YAF2: variants seen among roughly 807,000 people sequenced by gnomAD.
The protein encoded by YAF2 is YY1 associated factor 2, also known as YY1-associated factor 2.
YAF2 carries 7 observed loss-of-function variants against 20.1 expected under a neutral mutation model. The ratio of observed to expected loss-of-function variants is 0.35; its 90% CI spans 0.20 to 0.65. The LOEUF (loss-of-function observed/expected upper bound fraction) is 0.65. Among genes scored for constraint, YAF2 ranks in the 30% least tolerant of loss-of-function variants. The pLI, the probability that YAF2 is intolerant of heterozygous loss-of-function variation, is 0.69. For synonymous variants in YAF2, 74 were observed against 76.0 expected (o/e 0.97, Z 0.14); for missense variants, 151 against 219.2 (o/e 0.69, Z 1.96).
intron 3 of YAF2, chr12:42,161,131 G>C (rs2065790353): frequency 2.9e-6 from 1 of 339,810 alleles, no homozygotes; most frequent in South Asian, 3.6e-5. Flanking sequence ...AGATGTTTTA[G>C]ACAACAATGA....
intron 2 of YAF2, among the ~76,000 whole-genome samples, chr12:42,204,146 G>T (rs58144362): frequency 0.022 from 3,337 of 152,216 alleles, 128 homozygotes; most frequent in African/African-American, 0.076. Flanking sequence ...TAATTAAAAA[G>T]ATAATGAAAA....
At chr12:42,210,452 GA>G in intron 2 of YAF2, 1 of 1,535,028 alleles carries the variant, frequency 6.5e-7, no homozygotes, top group Non-Finnish European at 8.7e-7. Context: ...GCATCCACTG[GA>G]ACTGAGGGGG....
At chr12:42,237,965 G>C (rs759110956) in intron 1 of YAF2, among the ~76,000 whole-genome samples, 190 bp downstream of exon 1, 203 of 149,138 alleles carry the variant, frequency 1.4e-3, no homozygotes, top group Non-Finnish European at 2.6e-3. Flanking sequence ...CGCTCCGGTC[G>C]CCGCCGCCAT....
rs1168619286 is a variant in YAF2, at chr12:42,160,093, C to G, written c.*496G>C. ...ATAACAATTTTCCTATTTAACCACA[C>G]CAAGTACCAGCAGGTGTATTTAAGA... On this transcript the variant is annotated 3_prime_UTR_variant, in exon 4 of 4. Transcript: ENST00000534854. 1 of 152,750 alleles carries G rather than the reference C, an allele frequency of 6.5e-6. No homozygotes were observed. The highest frequency in any genetic ancestry group is 2.4e-5 in the African/African-American group (1 of 41,426). The allele number at this position is 152,750 out of a possible 1,614,324, so 9.5% of individuals were successfully genotyped here.
intron 2 of YAF2, among the ~76,000 whole-genome samples, chr12:42,236,615 T>C (rs11181384): frequency 2.0e-5 from 3 of 152,154 alleles, no homozygotes; most frequent in Admixed American, 6.6e-5. Context: ...ATCTAACGTC[T>C]ACTGAATATT....
At chr12:42,237,428 A>T (rs2068204449) in intron 2 of YAF2, 171 bp downstream of exon 2, 1 of 1,301,552 alleles carries the variant, frequency 7.7e-7, no homozygotes, top group Non-Finnish European at 9.8e-7. Context: ...CTCACCGCAA[A>T]CCATCGCCTG....
chr12:42,197,618 G>A (rs536942477), intron 2 of YAF2, among the ~76,000 whole-genome samples: 1 of 152,314 alleles, frequency 6.6e-6, no homozygotes, highest in Non-Finnish European at 1.5e-5. Flanking sequence ...TAGAGGTGGT[G>A]TAACAAAGAG....
intron 2 of YAF2, among the ~76,000 whole-genome samples, chr12:42,214,410 A>C (rs1252265913): frequency 6.6e-6 from 1 of 152,046 alleles, no homozygotes; most frequent in Non-Finnish European, 1.5e-5. Context: ...TAGCTGGGAA[A>C]CCAGGCTCAT....
chr12:42,219,710 A>G (rs1437852241), intron 2 of YAF2, among the ~76,000 whole-genome samples: 2 of 152,144 alleles, frequency 1.3e-5, no homozygotes, highest in Admixed American at 1.3e-4. Context: ...CACCCCGTCC[A>G]CCTCATTATC....
intron 2 of YAF2, chr12:42,234,424 G>A (rs2068080873): frequency 1.0e-5 from 10 of 983,590 alleles, no homozygotes; most frequent in Non-Finnish European, 1.2e-5. Context: ...TCACCATTTG[G>A]GTAATGGGTA....
chr12:42,181,582 G>C (rs369912923), intron 2 of YAF2, among the ~76,000 whole-genome samples: 20 of 152,104 alleles, frequency 1.3e-4, no homozygotes, highest in African/African-American at 4.3e-4. Flanking sequence ...CAGGTAGCCT[G>C]GTATAATCAT....
chr12:42,232,444 A>G (rs2068009978), intron 2 of YAF2: 1 of 985,302 alleles, frequency 1.0e-6, no homozygotes, highest in Admixed American at 6.2e-5. Flanking sequence ...AAACACTAAT[A>G]ATCACTTGTA....
intron 2 of YAF2, among the ~76,000 whole-genome samples, chr12:42,209,427 G>A (rs2067141942): frequency 1.3e-5 from 2 of 151,874 alleles, no homozygotes; most frequent in Admixed American, 1.3e-4. Flanking sequence ...AGTCAAGCAT[G>A]GTGGTGTGCA....
At chr12:42,194,298 C>T (rs931450780) in intron 2 of YAF2, among the ~76,000 whole-genome samples, 4 of 152,106 alleles carry the variant, frequency 2.6e-5, no homozygotes, top group African/African-American at 9.7e-5. Context: ...ACTCACTCAC[C>T]CAGAGCAACC....
intron 2 of YAF2, among the ~76,000 whole-genome samples, chr12:42,203,906 T>G (rs2066967911): frequency 1.3e-5 from 2 of 152,170 alleles, no homozygotes; most frequent in Admixed American, 1.3e-4. Flanking sequence ...TATCTAAAAT[T>G]ATAATTACAA....
chr12:42,186,189 CAAAAAAAAAAAA>C (rs58514363), intron 2 of YAF2, among the ~76,000 whole-genome samples: 1 of 62,560 alleles, frequency 1.6e-5, no homozygotes, highest in African/African-American at 6.9e-5. Context: ...AACTCTGTCT[CAAAAAAAAAAAA>C]AAAAAAAAAA....
At position 42,161,641 on chromosome 12, in the gene YAF2, T is replaced by C; in HGVS notation, c.277A>G (p.Ser93Gly). 6.3e-7 allele frequency: 1 copy of C among 1,598,744 alleles called. No homozygotes were observed. The highest frequency in any genetic ancestry group is 8.5e-7 in the Non-Finnish European group (1 of 1,174,356). ...GTTTTCTTATGGCTATTCTTTTTGC[T>C]AGTTGTTTCCTTTTCACTTTTTTCT... The part of the protein sequence containing the change: ...EKEKSEKETT[S>G]KKNSHKKTRP... Residue 93 changes from serine to glycine, a missense_variant, in exon 3 of 4, where the codon AGC becomes GGC. This residue lies in a region of YAF2 where 50 missense variants were observed against 112.0 expected (regional missense o/e 0.45). Transcript: ENST00000534854.
chr12:42,162,479 T>C (rs1410953697), intron 2 of YAF2, among the ~76,000 whole-genome samples: 1 of 152,154 alleles, frequency 6.6e-6, no homozygotes. Flanking sequence ...GCCACAGAAC[T>C]TGCACAACTG....
intron 2 of YAF2, chr12:42,231,449 A>AT (rs1466263678): frequency 1.3e-5 from 2 of 152,210 alleles, no homozygotes; most frequent in African/African-American, 2.4e-5. Flanking sequence ...AGAGGTAAGT[A>AT]GTTGAATAGC....
Sources: gnomAD v4.1 joint callset for allele counts (sites outside exome capture counted in the v4.1 genomes callset) on GRCh38, gnomAD v4.1.1 for gene constraint, gnomAD v4.1.1 regional missense constraint, MANE v1.5 for transcripts, NCBI Gene and HGNC (gene_info 2026-07-23, HGNC 2026-07-21) for gene names.